Variants in MYO9A observed in about 807,000 individuals in gnomAD.
MYO9A encodes unconventional myosin-IXa.
MYO9A carries 103 observed loss-of-function variants against 293.3 expected under a neutral mutation model. That is an observed-to-expected ratio of 0.35 (90% CI 0.30 to 0.41). The LOEUF is 0.41. Ranked by LOEUF, MYO9A falls within the 10% of genes least tolerant of loss-of-function variation. The probability of loss-of-function intolerance (pLI) is 1.00; values close to 1 mark genes in which losing one functional copy is unlikely to be tolerated. For missense variants in MYO9A, 2,685 were observed against 3,033.0 expected, an observed-to-expected ratio of 0.89 and a Z score of 2.69; for synonymous variants, 1,001 against 1,035.7, an observed-to-expected ratio of 0.97 and a Z score of 0.64.
chr15:71,914,898 T>A (rs1431328944), intron 19 of MYO9A, among the ~76,000 whole-genome samples: 1 of 152,140 alleles, frequency 6.6e-6, no homozygotes, highest in Non-Finnish European at 1.5e-5. Flanking sequence ...AAAGAATGAT[T>A]TTGGTATACA....
chr15:71,865,829 TCA>T (rs921094719), intron 32 of MYO9A, among the ~76,000 whole-genome samples: 7 of 152,218 alleles, frequency 4.6e-5, no homozygotes, highest in Non-Finnish European at 7.3e-5. Context: ...GAATTTTATC[TCA>T]GTTTTAAAAA....
chr15:71,842,975 A>T (rs1313110093), intron 39 of MYO9A, among the ~76,000 whole-genome samples: 2 of 150,270 alleles, frequency 1.3e-5, no homozygotes, highest in Admixed American at 1.3e-4. Flanking sequence ...TCTTTTAGTT[A>T]AAAAAAAGAC....
At chr15:71,853,782 T>G (rs900058986) in intron 35 of MYO9A, among the ~76,000 whole-genome samples, 1 of 152,204 alleles carries the variant, frequency 6.6e-6, no homozygotes, top group Non-Finnish European at 1.5e-5. Context: ...ATTATCAGTT[T>G]GAGTAACTGT....
At chr15:72,005,558 G>C (rs962012799) in intron 8 of MYO9A, among the ~76,000 whole-genome samples, 5 of 152,068 alleles carry the variant, frequency 3.3e-5, no homozygotes, top group African/African-American at 1.2e-4. Context: ...ACAACCCTCA[G>C]ATACCACACT....
At chr15:72,010,223 G>T in intron 7 of MYO9A, 127 bp downstream of exon 7, 1 of 621,502 alleles carries the variant, frequency 1.6e-6, no homozygotes, top group Non-Finnish European at 2.8e-6. Context: ...TAATGCTCGA[G>T]ATGGATGAGG....
At chr15:71,967,819 G>A (rs1381895664) in intron 13 of MYO9A, among the ~76,000 whole-genome samples, 165 bp downstream of exon 13, 1 of 152,152 alleles carries the variant, frequency 6.6e-6, no homozygotes. Context: ...ACCTAAGACA[G>A]TAATGTGCTG....
chr15:72,103,909 C>A (rs1596587064), intron 1 of MYO9A, among the ~76,000 whole-genome samples: 3 of 152,314 alleles, frequency 2.0e-5, no homozygotes, highest in Admixed American at 2.0e-4. Flanking sequence ...GGAAGCACTT[C>A]TGGCTTGTTG....
intron 11 of MYO9A, among the ~76,000 whole-genome samples, chr15:71,978,716 C>A (rs2076202256): frequency 6.6e-6 from 1 of 151,784 alleles, no homozygotes; most frequent in African/African-American, 2.4e-5. Flanking sequence ...GACCCCATCA[C>A]CCTCCAGTAA....
At chr15:71,938,818 T>C (rs771957359) in intron 16 of MYO9A, 34 bp downstream of exon 16, 2 of 1,520,200 alleles carry the variant, frequency 1.3e-6, no homozygotes, top group Admixed American at 1.9e-5. Context: ...ATTTCTTCTA[T>C]ACGTCCTTGA....
intron 18 of MYO9A, among the ~76,000 whole-genome samples, chr15:71,930,835 T>C (rs1240793882): frequency 1.3e-5 from 2 of 152,214 alleles, no homozygotes; most frequent in African/African-American, 4.8e-5. Context: ...CTTCCATCCT[T>C]TTATCTTTTG....
chr15:71,998,306 T>TG (rs895798061), intron 9 of MYO9A, among the ~76,000 whole-genome samples: 53 of 151,900 alleles, frequency 3.5e-4, no homozygotes, highest in African/African-American at 1.1e-3. Context: ...TGACAGAGAA[T>TG]GGGAGGAGGG....
chr15:72,074,950 C>CTTTTTTTTTTTTTTTTTTTTTTTTT (rs1567012010), intron 1 of MYO9A, among the ~76,000 whole-genome samples: 1 of 71,666 alleles, frequency 1.4e-5, no homozygotes. Flanking sequence ...ATTTTCACTG[C>CTTTTTTTTTTTTTTTTTTTTTTTTT]CTTTTTTTTT....
At chr15:72,049,695 T>C (rs906149997) in intron 1 of MYO9A, among the ~76,000 whole-genome samples, 2 of 152,220 alleles carry the variant, frequency 1.3e-5, no homozygotes, top group Non-Finnish European at 2.9e-5. Flanking sequence ...GAACTGCATA[T>C]GCAAGGGATC....
chr15:71,924,166 T>A (rs1029848439), intron 18 of MYO9A, among the ~76,000 whole-genome samples: 1 of 152,110 alleles, frequency 6.6e-6, no homozygotes, highest in Middle Eastern at 3.2e-3. Flanking sequence ...GAACCTATTA[T>A]TGATTTCTAG....
chr15:72,052,218 C>T (rs138644577), intron 1 of MYO9A, among the ~76,000 whole-genome samples: 37 of 152,192 alleles, frequency 2.4e-4, no homozygotes, highest in African/African-American at 8.9e-4. Flanking sequence ...AAGAGATATC[C>T]AACTACCAGC....
chr15:72,106,246 G>C (rs2151025541), intron 1 of MYO9A, among the ~76,000 whole-genome samples: 1 of 123,102 alleles, frequency 8.1e-6, no homozygotes. Flanking sequence ...GGGAGGCTGA[G>C]ACAGGAGGAC....
chr15:72,017,875 TAAG>T (rs1349401896), intron 6 of MYO9A, among the ~76,000 whole-genome samples: 3 of 152,162 alleles, frequency 2.0e-5, no homozygotes, highest in African/African-American at 7.2e-5. Context: ...ATTGAAAACT[TAAG>T]AAAAAAATTT....
intron 40 of MYO9A, 93 bp downstream of exon 40, chr15:71,830,016 G>GGAGAT (rs2054653414): frequency 7.9e-7 from 1 of 1,258,174 alleles, no homozygotes; most frequent in East Asian, 2.3e-5. Flanking sequence ...TTAACACACA[G>GGAGAT]GAGATAATAA....
At chr15:72,011,232 G>C (rs1328636081) in intron 6 of MYO9A, among the ~76,000 whole-genome samples, 1 of 151,862 alleles carries the variant, frequency 6.6e-6, no homozygotes, top group African/African-American at 2.4e-5. Flanking sequence ...GGCTAGTCCT[G>C]AACTCCCGGA....
Sources: gnomAD v4.1 joint callset for allele counts (sites outside exome capture counted in the v4.1 genomes callset) on GRCh38, gnomAD v4.1.1 for gene constraint, MANE v1.5 for transcripts, NCBI Gene and HGNC (gene_info 2026-07-23, HGNC 2026-07-21) for gene names.